The following ANKS1B variants were observed in gnomAD, a reference collection of about 807,000 sequenced individuals.
ANKS1B encodes ankyrin repeat and sterile alpha motif domain-containing protein 1B.
ANKS1B carries 36 observed loss-of-function variants against 148.3 expected under a neutral mutation model. The ratio of observed to expected loss-of-function variants is 0.24; its 90% confidence interval spans 0.19 to 0.32. ANKS1B has a LOEUF of 0.32. ANKS1B is among the 10% of genes least tolerant of loss of function. The pLI is 1.00. For synonymous variants in ANKS1B, 542 were observed against 560.8 expected (o/e 0.97, Z 0.47); for missense variants, 1,157 against 1,542.6 (o/e 0.75, Z 4.19).
intron 9 of ANKS1B, among the ~76,000 whole-genome samples, chr12:99,654,269 A>G (rs1277040002): frequency 6.6e-6 from 1 of 152,332 alleles, no homozygotes; most frequent in Admixed American, 6.5e-5. Context: ...TTGTCGTGAC[A>G]GAAGGGAAAA....
At position 99,132,891 on chromosome 12, in the gene ANKS1B, G is replaced by T. The variant is rs115189034; in HGVS notation, c.2526+21398C>A. ...ATTTTTCTTTTAACCATTGTATGAG[G>T]TTGAGGAATGGTACTTCAAATGGGT... On this transcript the variant is annotated intron_variant, in intron 15 of 26. Coordinates refer to ENST00000683438, the MANE Select transcript of ANKS1B (RefSeq NM_001352186.2). Among the ~76,000 whole-genome samples the T allele has an allele frequency of 2.9e-3, 448 of 152,182 alleles. 3 individuals are homozygous for T. Among genetic ancestry groups the T allele is most frequent in the African/African-American group, 0.011 (442 of 41,512 alleles).
chr12:99,382,970 C>A (rs1200622648), intron 12 of ANKS1B, among the ~76,000 whole-genome samples: 2 of 152,080 alleles, frequency 1.3e-5, no homozygotes, highest in African/African-American at 4.8e-5. Flanking sequence ...CTCCCACCCA[C>A]TTCCCTTCTA....
chr12:99,953,227 A>T (rs190211009), intron 1 of ANKS1B, among the ~76,000 whole-genome samples: 15 of 152,344 alleles, frequency 9.8e-5, no homozygotes, highest in Admixed American at 5.9e-4. Flanking sequence ...GAGGAATGAT[A>T]AAAATAGAAG....
At chr12:99,186,104 A>T (rs2079809990) in intron 14 of ANKS1B, among the ~76,000 whole-genome samples, 1 of 152,194 alleles carries the variant, frequency 6.6e-6, no homozygotes, top group Non-Finnish European at 1.5e-5. Context: ...TTTTCCCCTC[A>T]CAGCAAAACA....
chr12:99,634,216 A>T lies in ANKS1B; in HGVS notation c.1272+20851T>A, dbSNP rs2098206198. Among the ~76,000 whole-genome samples the T allele has an allele frequency of 2.0e-5, 3 of 152,162 alleles. No homozygotes were observed. In the South Asian group the frequency reaches 6.2e-4, roughly 32 times the overall value. On this transcript the variant is annotated intron_variant, in intron 9 of 26. Coordinates refer to ENST00000683438, the MANE Select transcript of ANKS1B (RefSeq NM_001352186.2). ...AGAGCCCTCATGAATGGATTAATAC[A>T]TTCATCAATTAATAGATGAATGAGT...
At chr12:99,551,094 G>A (rs1030748061) in intron 9 of ANKS1B, among the ~76,000 whole-genome samples, 4 of 152,104 alleles carry the variant, frequency 2.6e-5, no homozygotes, top group Non-Finnish European at 5.9e-5. Context: ...CAGCCTCCTG[G>A]AAGCACCTGA....
intron 10 of ANKS1B, among the ~76,000 whole-genome samples, chr12:99,490,939 A>G (rs1395805552): frequency 6.6e-6 from 1 of 152,240 alleles, no homozygotes; most frequent in Non-Finnish European, 1.5e-5. Flanking sequence ...CTACAAGATT[A>G]TATTTTCAGT....
intron 12 of ANKS1B, among the ~76,000 whole-genome samples, chr12:99,338,160 G>A (rs189958132): frequency 4.9e-4 from 74 of 152,216 alleles, no homozygotes; most frequent in Admixed American, 1.8e-3. Context: ...AATGCTGTCC[G>A]GGAACCACAG....
intron 17 of ANKS1B, among the ~76,000 whole-genome samples, chr12:98,978,607 A>G (rs1296775313): frequency 2.0e-5 from 3 of 152,074 alleles, no homozygotes; most frequent in African/African-American, 7.2e-5. Flanking sequence ...TATACTGTCT[A>G]TGCACTCTTA....
intron 1 of ANKS1B, among the ~76,000 whole-genome samples, chr12:99,839,108 G>T (rs2085299983): frequency 6.6e-6 from 1 of 152,100 alleles, no homozygotes; most frequent in Non-Finnish European, 1.5e-5. Context: ...AGGCACAGTA[G>T]CATGTGCCTA....
chr12:99,405,581 C>T (rs1388627792), intron 11 of ANKS1B, among the ~76,000 whole-genome samples: 2 of 144,456 alleles, frequency 1.4e-5, no homozygotes, highest in Non-Finnish European at 3.1e-5. Flanking sequence ...AACATACCAG[C>T]AGAGAAAATC....
intron 17 of ANKS1B, among the ~76,000 whole-genome samples, chr12:99,012,340 T>A (rs12302847): frequency 6.6e-6 from 1 of 152,190 alleles, no homozygotes; most frequent in Admixed American, 6.5e-5. Flanking sequence ...CTTCCTCCTC[T>A]GTGCTTTTCC....
intron 12 of ANKS1B, among the ~76,000 whole-genome samples, chr12:99,279,156 C>T (rs1159867002): frequency 6.6e-6 from 1 of 152,208 alleles, no homozygotes; most frequent in African/African-American, 2.4e-5. Context: ...GACTATCCTC[C>T]TGCCTTTGTC....
At chr12:99,579,870 A>C (rs2097553636) in intron 9 of ANKS1B, among the ~76,000 whole-genome samples, 1 of 152,160 alleles carries the variant, frequency 6.6e-6, no homozygotes, top group Non-Finnish European at 1.5e-5. Flanking sequence ...AAGGAAAATA[A>C]ATCGTTCCAC....
intron 17 of ANKS1B, among the ~76,000 whole-genome samples, chr12:98,853,330 C>A (rs1344477206): frequency 6.6e-6 from 1 of 152,172 alleles, no homozygotes; most frequent in Non-Finnish European, 1.5e-5. Context: ...GGTAGAGTGG[C>A]CCCTAACTGG....
Position 99,542,963 on chromosome 12 carries a change from T to A in ANKS1B, c.1273-38322A>T, listed in dbSNP as rs567713785. Among the ~76,000 whole-genome samples, 37 of 152,094 alleles carry A rather than the reference T, an allele frequency of 2.4e-4. No individual in the cohort carries two copies. In the South Asian group the frequency reaches 6.0e-3, roughly 25 times the overall value. On this transcript the variant is annotated intron_variant, in intron 9 of 26. Coordinates refer to ENST00000683438, the MANE Select transcript of ANKS1B (RefSeq NM_001352186.2). ...TTAGATATAACACCAAAATAACAAG[T>A]AACAAAAGAAATAAATAAACTGAAT...
At chr12:98,988,322 T>G (rs937623775) in intron 17 of ANKS1B, among the ~76,000 whole-genome samples, 3 of 152,076 alleles carry the variant, frequency 2.0e-5, no homozygotes, top group African/African-American at 7.3e-5. Flanking sequence ...TGAGATCAAC[T>G]TTTTTAGATT....
intron 1 of ANKS1B, among the ~76,000 whole-genome samples, chr12:99,839,201 C>A (rs1347634317): frequency 6.6e-6 from 1 of 151,996 alleles, no homozygotes; most frequent in Non-Finnish European, 1.5e-5. Context: ...TACAGCAATA[C>A]CTCATCTTTA....
chr12:99,026,511 A>G (rs2099948857), intron 17 of ANKS1B, among the ~76,000 whole-genome samples: 1 of 152,168 alleles, frequency 6.6e-6, no homozygotes, highest in South Asian at 2.1e-4. Context: ...TCCCCAGAGT[A>G]GACAAAGAGT....
Sources: allele counts gnomAD v4.1 joint callset (sites outside exome capture counted in the v4.1 genomes callset), GRCh38; gene constraint gnomAD v4.1.1; transcripts MANE v1.5; gene names NCBI Gene and HGNC (gene_info 2026-07-23, HGNC 2026-07-21).